The following ATP13A2 variants were observed in gnomAD, a reference collection of about 807,000 sequenced individuals.
ATP13A2 encodes the protein ATPase cation transporting 13A2.
Under a neutral mutation model 138.3 loss-of-function variants are expected in ATP13A2, and 83 were observed. The ratio of observed to expected loss-of-function variants is 0.60; its 90% CI spans 0.50 to 0.72. The LOEUF (loss-of-function observed/expected upper bound fraction) is 0.72. ATP13A2 is among the 30% of genes least tolerant of loss of function. The probability of loss-of-function intolerance (pLI) is 0.00; values close to 1 mark genes in which losing one functional copy is unlikely to be tolerated. For synonymous variants in ATP13A2, 663 were observed against 699.0 expected, an observed-to-expected ratio of 0.95 and a Z score of 0.81; for missense variants, 1,402 against 1,606.4, an observed-to-expected ratio of 0.87 and a Z score of 2.17.
In ATP13A2 at chr1:17,004,616, A is replaced by G; in HGVS notation, c.477+76T>C. 1.2e-6 allele frequency: 2 copies of G among 1,612,016 alleles called. No homozygotes were observed. The highest frequency in any genetic ancestry group is 1.7e-6 in the Non-Finnish European group (2 of 1,178,536). On this transcript the variant is annotated intron_variant, in intron 5 of 28. Coordinates refer to ENST00000326735, the MANE Select transcript of ATP13A2 (RefSeq NM_022089.4). The surrounding 1 kb of genome is among the most constrained non-coding windows in gnomAD (Gnocchi z 4.1). Reference sequence around the variant, plus strand: ...CAGAACTAAAAGGTGGTGGGAGAACATGAAGTCTGACTCTCCCATTGCACA... The same window carrying G: ...CAGAACTAAAAGGTGGTGGGAGAACGTGAAGTCTGACTCTCCCATTGCACA...
In ATP13A2 at chr1:17,011,658, C is replaced by A; in HGVS notation, c.10+71G>T. 6.9e-7 allele frequency: 1 copy of A among 1,453,868 alleles called. No individual in the cohort carries two copies. Among genetic ancestry groups the A allele is most frequent in the South Asian group, 1.3e-5 (1 of 74,866 alleles). The allele number at this position is 1,453,868 out of a possible 1,614,324, so 90.1% of individuals were successfully genotyped here. Reference sequence around the variant, plus strand: ...GGGGGGCGTCGCCTCCCCTCTCCCTCCAAGGGGTGACGACAACTGGCGGGC... The same window carrying A: ...GGGGGGCGTCGCCTCCCCTCTCCCTACAAGGGGTGACGACAACTGGCGGGC... On this transcript the variant is annotated intron_variant, in intron 1 of 28. Coordinates refer to ENST00000326735, the MANE Select transcript of ATP13A2 (RefSeq NM_022089.4). The surrounding 1 kb of genome is among the most constrained non-coding windows in gnomAD (Gnocchi z 7.3).
In ATP13A2 at chr1:16,989,677, T is replaced by A; in HGVS notation, c.2609+14A>T. ...TCCGCAGGCCCTTGCCCACACCCTC[T>A]GCCGAGCACTCACTGAAGCTTCTGT... On this transcript the variant is annotated intron_variant, in intron 23 of 28. Coordinates refer to ENST00000326735, the MANE Select transcript of ATP13A2 (RefSeq NM_022089.4). The A allele has an allele frequency of 6.2e-7, 1 of 1,613,924 alleles. No homozygotes were observed. Among genetic ancestry groups the A allele is most frequent in the East Asian group, 2.2e-5 (1 of 44,870 alleles).
At chr1:17,000,193 T>TTC in intron 10 of ATP13A2, 51 bp from the exon 11 acceptor site, 2 of 1,547,716 alleles carry the variant, frequency 1.3e-6, no homozygotes, top group African/African-American at 1.4e-5. Flanking sequence ...GCCCCAGCCA[T>TTC]GCCCCCCCAC....
At chr1:16,990,587 G>A (rs891419777) in intron 20 of ATP13A2, among the ~76,000 whole-genome samples, 71 of 150,964 alleles carry the variant, frequency 4.7e-4, no homozygotes, top group Admixed American at 4.4e-3. Context: ...GCTTGATCTC[G>A]GCTCACTGCA....
rs150469816 is a variant in ATP13A2 at position 16,996,139 on chromosome 1, C to T, written c.1379G>A (p.Arg460Gln). The T allele has an allele frequency of 1.2e-5, 19 of 1,613,954 alleles. No individual in the cohort carries two copies. The highest frequency in any genetic ancestry group is 9.3e-5 in the African/African-American group (7 of 74,922). ...NRVPLNEIVI[R>Q]ALDLVTVVVP... The stretch of plus-strand genomic sequence containing the variant: ...CACCACGGTCACCAGGTCGAGAGCC[C>T]GGATTACAATCTCATTCAGAGGCAC... Residue 460 changes from arginine (R) to glutamine (Q), a missense_variant, in exon 15 of 29, where the codon CGG becomes CAG. Coordinates refer to ENST00000326735, the MANE Select transcript of ATP13A2 (RefSeq NM_022089.4).
chr1:16,992,075 A>G lies in ATP13A2; in HGVS notation c.2060T>C (p.Val687Ala). 1 of 1,613,330 alleles carries G rather than the reference A, an allele frequency of 6.2e-7. No homozygotes were observed. ...CAGTGGCTTGCTGGCCAGGGCCACG[A>G]CACGGTAGCCAGCAGCTGTATAGCT... ...LQSYTAAGYR[V>A]VALASKPLPT... Residue 687 changes from valine (V) to alanine (A), a missense_variant, in exon 19 of 29, where the codon GTC becomes GCC. Val to Ala is a moderately conservative substitution (Grantham distance 64). Transcript: ENST00000326735.
intron 16 of ATP13A2, among the ~76,000 whole-genome samples, chr1:16,992,867 C>T (rs1019875086): frequency 2.6e-5 from 4 of 152,240 alleles, no homozygotes; most frequent in Admixed American, 1.3e-4. Context: ...CCTCTGTGGC[C>T]GTGCGCTGGC....
chr1:16,987,031 CA>C lies in ATP13A2; in HGVS notation c.3083+14del. ...AAGGGGCGGGATGGGGGTGGTCAGTCAGCTCCCTACTCACCATGGCTGGGCC... is the reference window on the plus strand; with the variant it reads ...AAGGGGCGGGATGGGGGTGGTCAGTCGCTCCCTACTCACCATGGCTGGGCC... On this transcript the variant is annotated intron_variant, in intron 26 of 28. Coordinates refer to ENST00000326735, the MANE Select transcript of ATP13A2 (RefSeq NM_022089.4). The C allele has an allele frequency of 6.2e-7, 1 of 1,613,270 alleles. No individual in the cohort carries two copies. Among genetic ancestry groups the C allele is most frequent in the Non-Finnish European group, 8.5e-7 (1 of 1,179,738 alleles).
chr1:16,990,936 T>C (rs1179326921), intron 20 of ATP13A2, among the ~76,000 whole-genome samples: 3 of 151,696 alleles, frequency 2.0e-5, no homozygotes, highest in Non-Finnish European at 1.5e-5. Context: ...TAGCTCCTGC[T>C]GTCTCACCCT....
At position 16,986,309 on chromosome 1, in the gene ATP13A2, T is replaced by C. The variant is rs1410373431; in HGVS notation, c.3455A>G (p.Lys1152Arg). The C allele has an allele frequency of 6.3e-7, 1 of 1,594,050 alleles. No individual in the cohort carries two copies. The highest frequency in any genetic ancestry group is 8.5e-7 in the Non-Finnish European group (1 of 1,171,594). Residue 1152 changes from lysine to arginine, a missense_variant, in exon 29 of 29, where the codon AAG becomes AGG. Physicochemically the swap from Lys to Arg is conservative, Grantham distance 26. Transcript: ENST00000326735. The surrounding 1 kb of genome is among the most constrained non-coding windows in gnomAD (Gnocchi z 6.9). ...LPACLRRLRP[K>R]RASKKRFKQL... ...CTTGAAGCGCTTCTTGGAGGCCCGC[T>C]TGGGCCGGAGGCGGCGCAGGCAGGC...
In ATP13A2 at chr1:17,000,502, G is replaced by A. The variant is rs2077314399; in HGVS notation, c.738C>T (p.Phe246=). 1 of 1,613,976 alleles carries A rather than the reference G, an allele frequency of 6.2e-7. No individual in the cohort carries two copies. The highest frequency in any genetic ancestry group is 8.5e-7 in the Non-Finnish European group (1 of 1,179,992). ...ALNPYYGFQA[F]SIALWLADHY... The stretch of plus-strand genomic sequence containing the variant: ...GGTCAGCCAGCCACAGCGCGATGCT[G>A]AAGGCCTGGAACCCATAGTAGGGGT... Residue 246 remains phenylalanine, a synonymous_variant, in exon 9 of 29, where the codon TTC becomes TTT. Transcript: ENST00000326735.
rs2077474438 is a variant in ATP13A2, at chr1:17,004,432, G to A, written c.478-21C>T. The A allele has an allele frequency of 6.2e-7, 1 of 1,613,528 alleles. No individual in the cohort carries two copies. Among genetic ancestry groups the A allele is most frequent in the Non-Finnish European group, 8.5e-7 (1 of 1,179,670 alleles). On this transcript the variant is annotated intron_variant, in intron 5 of 28. Transcript: ENST00000326735. This position sits in a 1 kb window ranked among gnomAD's most constrained non-coding sequence, Gnocchi z 4.1. ...CGCTTCTGGGTGGGAGAGAGGAGAG[G>A]ATGGGTTGGAAGCTGGCCCCGGCCC...
Position 16,991,715 on chromosome 1 carries a change from C to G in ATP13A2, c.2251+19G>C. On this transcript the variant is annotated intron_variant, in intron 20 of 28. Coordinates refer to ENST00000326735, the MANE Select transcript of ATP13A2 (RefSeq NM_022089.4). ...GCGGATTCTGCCCTGCTAGCCCGGG[C>G]CCCTACATGCCATTGTACCTGTCAC... 6.2e-7 allele frequency: 1 copy of G among 1,614,028 alleles called. No homozygotes were observed. Among genetic ancestry groups the G allele is most frequent in the Non-Finnish European group, 8.5e-7 (1 of 1,180,042 alleles).
chr1:16,990,377 G>A, intron 20 of ATP13A2, 90 bp from the exon 21 acceptor site: 1 of 1,533,072 alleles, frequency 6.5e-7, no homozygotes, highest in Non-Finnish European at 9.0e-7. Flanking sequence ...CAGGCTGGAT[G>A]AAATCCGTCT....
At chr1:16,990,820 C>T (rs1557678227) in intron 20 of ATP13A2, among the ~76,000 whole-genome samples, 1 of 152,148 alleles carries the variant, frequency 6.6e-6, no homozygotes, top group Non-Finnish European at 1.5e-5. Context: ...TGTGCCCAGG[C>T]TACATATACT....
At chr1:17,001,145 C>T (rs1421527624) in intron 8 of ATP13A2, among the ~76,000 whole-genome samples, 1 of 151,492 alleles carries the variant, frequency 6.6e-6, no homozygotes, top group Non-Finnish European at 1.5e-5. Context: ...CAGCCAGGTG[C>T]GGTGGCTCAT....
rs1288145149 is a variant in ATP13A2 at position 16,988,507 on chromosome 1, G to A, written c.2610-33C>T. 4 of 1,612,932 alleles carry A rather than the reference G, an allele frequency of 2.5e-6. No individual in the cohort carries two copies. The African/African-American group carries it at 5.3e-5, about 22-fold the overall frequency. ...GAGGTGTGGACAGGTGTGGCCTGGG[G>A]AATTACCCCACCACCCCATGGGTGG... On this transcript the variant is annotated intron_variant, in intron 23 of 28. Coordinates refer to ENST00000326735, the MANE Select transcript of ATP13A2 (RefSeq NM_022089.4).
Position 16,996,015 on chromosome 1 carries a change from G to C in ATP13A2, c.1503C>G (p.Ile501Met). The change falls in exon 15 of 29, where the codon ATC (isoleucine) becomes ATG (methionine). Residue 501 changes from isoleucine to methionine, a missense_variant. Ile to Met is a conservative substitution (Grantham distance 10). Transcript: ENST00000326735. Reference sequence around the variant, plus strand: ...CCAGCTGCAGCTTGCCCCCCAGGTTGATGCGCAGTGGGTGGATGCAGAAAA... The same window carrying C: ...CCAGCTGCAGCTTGCCCCCCAGGTTCATGCGCAGTGGGTGGATGCAGAAAA... The part of the protein sequence containing the change: ...QGIFCIHPLR[I>M]NLGGKLQLVC... 2 of 1,614,092 alleles carry C rather than the reference G, an allele frequency of 1.2e-6. No homozygotes were observed. Among genetic ancestry groups the C allele is most frequent in the Middle Eastern group, 1.6e-4 (1 of 6,062 alleles).
intron 11 of ATP13A2, among the ~76,000 whole-genome samples, chr1:16,998,294 T>C (rs2077218533): frequency 6.6e-6 from 1 of 152,054 alleles, no homozygotes; most frequent in Admixed American, 6.5e-5. Flanking sequence ...AACCTCCACC[T>C]CCTAGGCTCA....
Sources: gnomAD v4.1 joint callset for allele counts (sites outside exome capture counted in the v4.1 genomes callset) on GRCh38, gnomAD v4.1.1 for gene constraint, Gnocchi (gnomAD v3.1) non-coding constraint, MANE v1.5 for transcripts, NCBI Gene and HGNC (gene_info 2026-07-23, HGNC 2026-07-21) for gene names.